Variants in LRP8 observed in about 807,000 individuals in gnomAD.
LRP8 encodes the protein low-density lipoprotein receptor-related protein 8.
LRP8 carries 46 observed loss-of-function variants against 111.6 expected under a neutral mutation model. The ratio of observed to expected loss-of-function variants is 0.41; its 90% confidence interval spans 0.33 to 0.53. The LOEUF (loss-of-function observed/expected upper bound fraction) is 0.53. Among genes scored for constraint, LRP8 ranks in the 20% least tolerant of loss-of-function variants. LRP8 has a pLI of 0.20. For synonymous variants in LRP8, 464 were observed against 511.2 expected, an observed-to-expected ratio of 0.91 and a Z score of 1.24; for missense variants, 959 against 1,297.4, an observed-to-expected ratio of 0.74 and a Z score of 4.01.
At chr1:53,302,452 G>A (rs1218155261) in intron 2 of LRP8, among the ~76,000 whole-genome samples, 1 of 152,104 alleles carries the variant, frequency 6.6e-6, no homozygotes, top group Non-Finnish European at 1.5e-5. Context: ...TTGTTTTACA[G>A]CCGGGGCACT....
intron 8 of LRP8, among the ~76,000 whole-genome samples, chr1:53,269,599 G>A (rs1465744515): frequency 6.6e-6 from 1 of 152,070 alleles, no homozygotes; most frequent in Non-Finnish European, 1.5e-5. Flanking sequence ...ACAAGCGTGA[G>A]CCACCACACC....
intron 13 of LRP8, among the ~76,000 whole-genome samples, chr1:53,260,214 C>A (rs1188769855): frequency 6.6e-6 from 1 of 152,206 alleles, no homozygotes; most frequent in African/African-American, 2.4e-5. Flanking sequence ...GTAATACCCA[C>A]ACTTTGTAGG....
intron 2 of LRP8, 140 bp downstream of exon 2, chr1:53,326,732 GC>G: frequency 7.3e-7 from 1 of 1,371,978 alleles, no homozygotes. Flanking sequence ...CGGTGCCCAG[GC>G]GGTTTCCCGG....
chr1:53,254,913 G>A (rs1158863922), intron 16 of LRP8, among the ~76,000 whole-genome samples: 2 of 152,112 alleles, frequency 1.3e-5, no homozygotes, highest in Admixed American at 6.5e-5. Flanking sequence ...GGATGTACCT[G>A]GAAGGTCACC....
chr1:53,257,954 G>T (rs746334773), intron 14 of LRP8: 6 of 214,792 alleles, frequency 2.8e-5, no homozygotes, highest in Admixed American at 1.6e-4. Flanking sequence ...CTGCTGTGTA[G>T]TGTTTGTTAA....
chr1:53,287,789 G>A (rs2100454059), intron 3 of LRP8, among the ~76,000 whole-genome samples: 1 of 152,248 alleles, frequency 6.6e-6, no homozygotes, highest in South Asian at 2.1e-4. Flanking sequence ...AAGGCAGCAG[G>A]TGCTGGGATG....
Position 53,275,812 on chromosome 1 carries a change from C to G in LRP8, c.884-59G>C, listed in dbSNP as rs1262533655. The G allele has an allele frequency of 1.3e-6, 2 of 1,578,468 alleles. No individual in the cohort carries two copies. Among genetic ancestry groups the G allele is most frequent in the Non-Finnish European group, 1.7e-6 (2 of 1,160,850 alleles). ...TCAGTGTGGTGCTAGGACAATTTCC[C>G]CACCACCCCAATCCCCATGCCATAG... On this transcript the variant is annotated intron_variant, in intron 5 of 18. Transcript: ENST00000306052. This position sits in a 1 kb window ranked among gnomAD's most constrained non-coding sequence, Gnocchi z 4.4.
At chr1:53,258,054 C>A in intron 14 of LRP8, 1 of 282,010 alleles carries the variant, frequency 3.5e-6, no homozygotes, top group East Asian at 6.7e-5. Context: ...GTTTTTAAAG[C>A]GTTCCAGAAA....
chr1:53,266,991 G>A lies in LRP8; in HGVS notation c.1253-344C>T, dbSNP rs1454735298. On this transcript the variant is annotated intron_variant, in intron 8 of 18. Transcript: ENST00000306052. The surrounding 1 kb of genome is among the most constrained non-coding windows in gnomAD (Gnocchi z 5.0). ...CCTCATTACTCGCCTCTCCAACATA[G>A]CTTGATTCCACCTACCAGATACCAT... The A allele has an allele frequency of 4.5e-6, 1 of 224,490 alleles. No individual in the cohort carries two copies. The highest frequency in any genetic ancestry group is 9.0e-6 in the Non-Finnish European group (1 of 111,070). The allele number at this position is 224,490 out of a possible 1,614,324, so 13.9% of individuals were successfully genotyped here.
rs1192692909 is a variant in LRP8, at chr1:53,277,021, A to T, written c.554T>A (p.Val185Glu). 1.3e-6 allele frequency: 2 copies of T among 1,520,908 alleles called. No individual in the cohort carries two copies. The highest frequency in any genetic ancestry group is 5.1e-5 in the East Asian group (2 of 39,254). 94.2% of individuals were successfully genotyped at this position (1,520,908 alleles called of 1,614,324 possible). ...GNRSCLAAVFVCDGDDDCGDG... is the reference protein window; with the variant it reads ...GNRSCLAAVFECDGDDDCGDG... ...ACCACAGTCGTCGTCGCCGTCGCAC[A>T]CGAACACGGCGGCCAGGCACGAGCG... The change falls in exon 5 of 19, where the codon GTG becomes GAG. Residue 185 changes from valine (V) to glutamate (E), a missense_variant. Transcript: ENST00000306052.
chr1:53,314,157 AG>A lies in LRP8; in HGVS notation c.244+12715del, dbSNP rs144025158. Reference sequence around the variant, plus strand: ...CAAGAGGCAGAAGACGTTCAGCCACAGCCCCCCAGTGCTATGTGCTGTGCCA... The same window carrying A: ...CAAGAGGCAGAAGACGTTCAGCCACACCCCCCAGTGCTATGTGCTGTGCCA... On this transcript the variant is annotated intron_variant, in intron 2 of 18. Coordinates refer to ENST00000306052, the MANE Select transcript of LRP8 (RefSeq NM_004631.5). Among the ~76,000 whole-genome samples, 504 of 152,350 alleles carry A rather than the reference AG, an allele frequency of 3.3e-3. 2 individuals carry two copies. Among genetic ancestry groups the A allele is most frequent in the Admixed American group, 6.4e-3 (98 of 15,302 alleles).
chr1:53,249,698 T>C lies in LRP8; in HGVS notation c.2677-142A>G. The C allele has an allele frequency of 8.4e-7, 1 of 1,186,178 alleles. No homozygotes were observed. 73.5% of individuals were successfully genotyped at this position (1,186,178 alleles called of 1,614,324 possible). On this transcript the variant is annotated intron_variant, in intron 17 of 18. Transcript: ENST00000306052. This position sits in a 1 kb window ranked among gnomAD's most constrained non-coding sequence, Gnocchi z 4.1. ...ATGCTGTGTTGTACCTTCAAGCCTT[T>C]GCACATGCCTCTATCTGGAATGCCA...
intron 13 of LRP8, among the ~76,000 whole-genome samples, chr1:53,258,676 T>A (rs1471127123): frequency 6.6e-6 from 1 of 152,168 alleles, no homozygotes; most frequent in Non-Finnish European, 1.5e-5. Flanking sequence ...AATTATATAG[T>A]GGTGAATTCT....
At chr1:53,301,369 G>A (rs1478473446) in intron 2 of LRP8, among the ~76,000 whole-genome samples, 1 of 152,188 alleles carries the variant, frequency 6.6e-6, no homozygotes, top group Non-Finnish European at 1.5e-5. Flanking sequence ...GCAGCTGTGA[G>A]GTGGGTGTGA....
chr1:53,269,711 C>G (rs549628782), intron 8 of LRP8, among the ~76,000 whole-genome samples: 1 of 152,172 alleles, frequency 6.6e-6, no homozygotes, highest in Non-Finnish European at 1.5e-5. Flanking sequence ...CTTCCCTATT[C>G]CCATTCTCTA....
chr1:53,271,876 T>C (rs986784875), intron 6 of LRP8, among the ~76,000 whole-genome samples: 43 of 151,924 alleles, frequency 2.8e-4, no homozygotes, highest in African/African-American at 1.0e-3. Flanking sequence ...CTGAGGCTTC[T>C]GCTTGTGCTC....
At chr1:53,278,915 ATT>A (rs530331555) in intron 4 of LRP8, among the ~76,000 whole-genome samples, 14 of 132,964 alleles carry the variant, frequency 1.1e-4, no homozygotes, top group Non-Finnish European at 1.3e-4. Flanking sequence ...CGCCCGGCTA[ATT>A]TTTTTTTTTT....
intron 2 of LRP8, among the ~76,000 whole-genome samples, chr1:53,292,465 C>T (rs903951978): frequency 6.6e-6 from 1 of 152,102 alleles, no homozygotes; most frequent in Non-Finnish European, 1.5e-5. Context: ...GAGAGGTCAT[C>T]GTCAATGATA....
In LRP8 at chr1:53,262,408, C is replaced by T; in HGVS notation, c.1774+38G>A. The T allele has an allele frequency of 6.3e-7, 1 of 1,595,108 alleles. No individual in the cohort carries two copies. ...TCCAGACAGTGATCAGGACAAGGCA[C>T]TAGAATAGGCCCCCAACCCAGGAAA... On this transcript the variant is annotated intron_variant, in intron 11 of 18. Transcript: ENST00000306052. The surrounding 1 kb of genome is among the most constrained non-coding windows in gnomAD (Gnocchi z 4.8).
Sources: allele counts gnomAD v4.1 joint callset (sites outside exome capture counted in the v4.1 genomes callset), GRCh38; gene constraint gnomAD v4.1.1; non-coding constraint Gnocchi (gnomAD v3.1); transcripts MANE v1.5; gene names NCBI Gene and HGNC (gene_info 2026-07-23, HGNC 2026-07-21).